CLASP1: variants seen among roughly 807,000 people sequenced by gnomAD.
CLASP1 encodes the protein CLIP-associating protein 1.
CLASP1 carries 38 observed loss-of-function variants against 192.3 expected under a neutral mutation model. That is an observed-to-expected ratio of 0.20 (90% CI 0.15 to 0.26). The LOEUF is 0.26. Among genes scored for constraint, CLASP1 ranks in the 10% least tolerant of loss-of-function variants. The pLI, the probability that CLASP1 is intolerant of heterozygous loss-of-function variation, is 1.00. For synonymous variants in CLASP1, 691 were observed against 712.8 expected (o/e 0.97, Z 0.49); for missense variants, 1,433 against 1,932.5 (o/e 0.74, Z 4.85).
chr2:121,556,927 C>T (rs1279128557), intron 2 of CLASP1, among the ~76,000 whole-genome samples: 2 of 152,162 alleles, frequency 1.3e-5, no homozygotes, highest in African/African-American at 4.8e-5. Context: ...TAGTACAGTC[C>T]TGTACTAGGT....
At chr2:121,347,828 C>A (rs766973703) in intron 38 of CLASP1, among the ~76,000 whole-genome samples, 15 of 152,312 alleles carry the variant, frequency 9.8e-5, no homozygotes, top group Non-Finnish European at 2.1e-4. Context: ...AAGCCAAGTG[C>A]CCAGCAAACA....
At position 121,488,644 on chromosome 2, in the gene CLASP1, C is replaced by T. The variant is rs148508245; in HGVS notation, c.712+14523G>A. 7.3e-4 allele frequency among the ~76,000 whole-genome samples: 111 copies of T among 152,336 alleles called. 1 individual carries two copies. The highest frequency in any genetic ancestry group is 2.5e-3 in the African/African-American group (102 of 41,576). On this transcript the variant is annotated intron_variant, in intron 8 of 39. Coordinates refer to ENST00000263710, the Ensembl canonical transcript of CLASP1. ...GTGTTCAAAAGCTGCCCTACCTACT[C>T]CTCATGGGGCTGCTGTGAACTTCAT...
intron 1 of CLASP1, among the ~76,000 whole-genome samples, chr2:121,616,809 A>AT (rs2066546194): frequency 1.3e-5 from 2 of 152,128 alleles, no homozygotes; most frequent in South Asian, 4.1e-4. Flanking sequence ...AGGCCCACAC[A>AT]TTCACTCAGT....
intron 1 of CLASP1, among the ~76,000 whole-genome samples, chr2:121,641,351 G>A (rs72956553): frequency 0.039 from 5,823 of 148,914 alleles, 156 homozygotes; most frequent in East Asian, 0.14. Context: ...AAAAAAAACA[G>A]GTATCGCCCA....
chr2:121,602,178 A>T (rs2063869402), intron 2 of CLASP1, among the ~76,000 whole-genome samples: 1 of 151,858 alleles, frequency 6.6e-6, no homozygotes, highest in Non-Finnish European at 1.5e-5. Context: ...CCATCTCAAA[A>T]AAAAAAAAAG....
intron 8 of CLASP1, chr2:121,470,389 G>A: frequency 2.2e-6 from 1 of 445,316 alleles, no homozygotes. Flanking sequence ...TGACAGGCAT[G>A]AGCCACTGTA....
intron 2 of CLASP1, among the ~76,000 whole-genome samples, chr2:121,571,147 G>C (rs2059935549): frequency 6.6e-6 from 1 of 151,766 alleles, no homozygotes; most frequent in Admixed American, 6.6e-5. Flanking sequence ...TTATTATGCA[G>C]CTTAATATAA....
intron 8 of CLASP1, among the ~76,000 whole-genome samples, chr2:121,486,932 T>G (rs138789956): frequency 6.6e-6 from 1 of 152,216 alleles, no homozygotes; most frequent in East Asian, 1.9e-4. Flanking sequence ...CAATCTCAAG[T>G]CTACTCCAAG....
At chr2:121,356,024 A>C (rs1385013024) in intron 37 of CLASP1, among the ~76,000 whole-genome samples, 1 of 152,238 alleles carries the variant, frequency 6.6e-6, no homozygotes, top group Non-Finnish European at 1.5e-5. Context: ...AATACTGGTG[A>C]ATGTTTGCTT....
At chr2:121,379,172 A>G (rs2071005231) in intron 33 of CLASP1, among the ~76,000 whole-genome samples, 1 of 151,858 alleles carries the variant, frequency 6.6e-6, no homozygotes, top group Non-Finnish European at 1.5e-5. Context: ...TATGGCCCAG[A>G]TAAAACCCAC....
At chr2:121,457,244 C>A (rs2086854062) in intron 14 of CLASP1, among the ~76,000 whole-genome samples, 2 of 152,196 alleles carry the variant, frequency 1.3e-5, no homozygotes, top group South Asian at 4.1e-4. Flanking sequence ...AAGATGCAAA[C>A]ACATACCTTT....
At chr2:121,387,766 A>C in exon 31 of CLASP1, 1 of 1,613,932 alleles carries the variant, frequency 6.2e-7, no homozygotes, top group Non-Finnish European at 8.5e-7. Context: ...CACTCACCAC[A>C]CTGGTGTTAC....
At chr2:121,631,158 CAAA>C (rs869087192) in intron 1 of CLASP1, among the ~76,000 whole-genome samples, 12,345 of 62,496 alleles carry the variant, frequency 0.2, 141 homozygotes, top group African/African-American at 0.37. Flanking sequence ...GACTCCAGCT[CAAA>C]AAAAAAAAAA....
At chr2:121,530,281 C>G (rs1292679623) in exon 3 of CLASP1, 1 of 1,552,518 alleles carries the variant, frequency 6.4e-7, no homozygotes, top group Non-Finnish European at 8.7e-7. Flanking sequence ...GATCCTGCAG[C>G]CGGGTCACCA....
chr2:121,404,143 A>G (rs1359248131), intron 26 of CLASP1, among the ~76,000 whole-genome samples: 2 of 152,234 alleles, frequency 1.3e-5, no homozygotes, highest in Non-Finnish European at 2.9e-5. Flanking sequence ...TCTCTCCCTG[A>G]TAACATTTAC....
chr2:121,357,903 T>C (rs1303177283), intron 37 of CLASP1, among the ~76,000 whole-genome samples: 3 of 152,204 alleles, frequency 2.0e-5, no homozygotes. Context: ...CCCTATGTGC[T>C]CCTTTTCAGC....
At chr2:121,418,699 A>C (rs186502681) in exon 23 of CLASP1, 1 of 1,613,784 alleles carries the variant, frequency 6.2e-7, no homozygotes, top group South Asian at 1.1e-5. Context: ...CCCCTGACTC[A>C]TGCTGGGTCG....
At chr2:121,480,619 T>C (rs776384227) in intron 8 of CLASP1, among the ~76,000 whole-genome samples, 2 of 152,118 alleles carry the variant, frequency 1.3e-5, no homozygotes, top group Non-Finnish European at 2.9e-5. Context: ...TGAAGAGAGA[T>C]AGGCTTCTGT....
At chr2:121,469,561 T>C (rs2090293565) in intron 9 of CLASP1, among the ~76,000 whole-genome samples, 1 of 152,192 alleles carries the variant, frequency 6.6e-6, no homozygotes, top group African/African-American at 2.4e-5. Flanking sequence ...CTGTGCTGGC[T>C]TCCTTCTCCT....
Sources: allele counts gnomAD v4.1 joint callset (sites outside exome capture counted in the v4.1 genomes callset), GRCh38; gene constraint gnomAD v4.1.1; transcripts MANE v1.5; gene names NCBI Gene and HGNC (gene_info 2026-07-23, HGNC 2026-07-21).